Variants in SH3KBP1 observed in about 807,000 individuals in gnomAD.
SH3KBP1 encodes the protein SH3 domain containing kinase binding protein 1, also known as SH3 domain-containing kinase-binding protein 1.
In SH3KBP1, 8 loss-of-function variants were observed where a neutral mutation model predicts 50.1. The observed-to-expected ratio is 0.16, with a 90% CI of 0.09 to 0.29. The LOEUF (loss-of-function observed/expected upper bound fraction) is 0.29. Among genes scored for constraint, SH3KBP1 ranks in the 10% least tolerant of loss-of-function variants. The pLI is 1.00. For synonymous variants in SH3KBP1, 227 were observed against 218.6 expected, an observed-to-expected ratio of 1.04 and a Z score of -0.34; for missense variants, 377 against 535.2, an observed-to-expected ratio of 0.70 and a Z score of 2.92.
At chrX:19,725,456 G>C (rs1248112851) in intron 3 of SH3KBP1, among the ~76,000 whole-genome samples, 2 of 110,820 alleles carry the variant, frequency 1.8e-5, no homozygotes, top group African/African-American at 6.6e-5. Flanking sequence ...CAGTGACAGA[G>C]TGAGACCCTG....
intron 3 of SH3KBP1, among the ~76,000 whole-genome samples, chrX:19,745,899 G>T (rs1419193222): frequency 8.9e-6 from 1 of 112,624 alleles, no homozygotes; most frequent in Admixed American, 9.3e-5. Context: ...GAGAGGCAGG[G>T]TCTGCGCTAG....
At chrX:19,820,012 G>C (rs2067478950) in intron 2 of SH3KBP1, among the ~76,000 whole-genome samples, 1 of 111,578 alleles carries the variant, frequency 9.0e-6, no homozygotes, top group African/African-American at 3.3e-5. Context: ...CAAGTGTTTG[G>C]AGATTTTCTG....
chrX:19,686,692 T>A (rs969410604), intron 5 of SH3KBP1, among the ~76,000 whole-genome samples: 1 of 110,040 alleles, frequency 9.1e-6, no homozygotes, highest in Non-Finnish European at 1.9e-5. Flanking sequence ...CATGGTGGAG[T>A]GGCAAGGAAA....
chrX:19,553,532 G>C (rs193144817), intron 13 of SH3KBP1, among the ~76,000 whole-genome samples: 1 of 110,147 alleles, frequency 9.1e-6, no homozygotes, highest in Admixed American at 9.9e-5. Context: ...AGGAACAAGC[G>C]AACAAATGAA....
intron 2 of SH3KBP1, among the ~76,000 whole-genome samples, chrX:19,777,308 C>T (rs758038353): frequency 9.0e-6 from 1 of 110,813 alleles, no homozygotes; most frequent in African/African-American, 3.3e-5. Context: ...GCCCTAAATA[C>T]AGGGGAAAAT....
At chrX:19,830,610 T>A (rs1197936488) in intron 2 of SH3KBP1, among the ~76,000 whole-genome samples, 3 of 107,899 alleles carry the variant, frequency 2.8e-5, no homozygotes, top group Admixed American at 9.9e-5. Flanking sequence ...TTTTTTTTTT[T>A]AATTAGCCAG....
At chrX:19,830,389 T>C (rs2067835972) in intron 2 of SH3KBP1, among the ~76,000 whole-genome samples, 1 of 111,053 alleles carries the variant, frequency 9.0e-6, no homozygotes, top group Non-Finnish European at 1.9e-5. Context: ...TTATGCATTT[T>C]ACTCTACATA....
chrX:19,733,393 A>G (rs1279238705), intron 3 of SH3KBP1, among the ~76,000 whole-genome samples: 1 of 110,264 alleles, frequency 9.1e-6, no homozygotes, highest in Non-Finnish European at 1.9e-5. Flanking sequence ...TATAGAATTG[A>G]AAGCCCAAAG....
chrX:19,817,991 A>G (rs149501928), intron 2 of SH3KBP1, among the ~76,000 whole-genome samples: 5,478 of 112,087 alleles, frequency 0.049, 344 homozygotes, highest in African/African-American at 0.17. Flanking sequence ...AACTGCCTAC[A>G]GTAACATGCT....
At chrX:19,678,515 G>A (rs1185827736) in intron 6 of SH3KBP1, among the ~76,000 whole-genome samples, 1 of 110,629 alleles carries the variant, frequency 9.0e-6, no homozygotes, top group South Asian at 3.8e-4. Context: ...CCAGAAATAG[G>A]CCCACTTATA....
At chrX:19,577,416 C>T (rs1252784705) in intron 12 of SH3KBP1, among the ~76,000 whole-genome samples, 1 of 111,588 alleles carries the variant, frequency 9.0e-6, no homozygotes, top group African/African-American at 3.3e-5. Context: ...CGGCTCACTG[C>T]CAGCTAAGTA....
intron 9 of SH3KBP1, among the ~76,000 whole-genome samples, chrX:19,598,817 C>A (rs996653007): frequency 9.0e-6 from 1 of 111,206 alleles, no homozygotes; most frequent in African/African-American, 3.3e-5. Context: ...ATAGTAATGT[C>A]AAAGATCACT....
chrX:19,818,770 C>A (rs2067433211), intron 2 of SH3KBP1, among the ~76,000 whole-genome samples: 2 of 111,751 alleles, frequency 1.8e-5, no homozygotes, highest in African/African-American at 6.5e-5. Flanking sequence ...GGAATAAACC[C>A]CACTTGGTCA....
At chrX:19,881,265 T>A (rs1056790477) in intron 1 of SH3KBP1, among the ~76,000 whole-genome samples, 2 of 111,485 alleles carry the variant, frequency 1.8e-5, no homozygotes, top group African/African-American at 6.5e-5. Flanking sequence ...GGTAGACACA[T>A]AGGGTCAATT....
chrX:19,780,882 A>T lies in SH3KBP1; in HGVS notation c.163-34441T>A, dbSNP rs774376424. ...TCCACTGATCAGTATTTACATATGC[A>T]CTTTCTAAATTTTAGCAGTCTGTCT... is the stretch of plus-strand genomic sequence containing the variant. On this transcript the variant is annotated intron_variant, in intron 2 of 17. Coordinates refer to ENST00000397821, the MANE Select transcript of SH3KBP1 (RefSeq NM_031892.3). Among the ~76,000 whole-genome samples the T allele has an allele frequency of 9.8e-5, 11 of 112,293 alleles. No homozygotes were observed. The East Asian group carries it at 3.1e-3, about 31-fold the overall frequency.
intron 15 of SH3KBP1, among the ~76,000 whole-genome samples, chrX:19,543,233 G>A (rs755458381): frequency 2.7e-5 from 3 of 111,778 alleles, no homozygotes; most frequent in Non-Finnish European, 5.6e-5. Flanking sequence ...GGGTGGAGGA[G>A]GAAGGACAGA....
At chrX:19,748,033 C>G (rs2064966256) in intron 2 of SH3KBP1, among the ~76,000 whole-genome samples, 1 of 112,407 alleles carries the variant, frequency 8.9e-6, no homozygotes. Flanking sequence ...TGATGGCTGC[C>G]AGCCTGCTCT....
chrX:19,829,073 C>A lies in SH3KBP1; in HGVS notation c.162+7052G>T, dbSNP rs138240125. Reference sequence around the variant, plus strand: ...AGTGACAGCAGCAATTCCACTCTTACATGTGTGCATATGCAAGAGCAATTA... The same window carrying A: ...AGTGACAGCAGCAATTCCACTCTTAAATGTGTGCATATGCAAGAGCAATTA... On this transcript the variant is annotated intron_variant, in intron 2 of 17. Coordinates refer to ENST00000397821, the MANE Select transcript of SH3KBP1 (RefSeq NM_031892.3). Among the ~76,000 whole-genome samples, 151 of 112,208 alleles carry A rather than the reference C, an allele frequency of 1.3e-3. 2 individuals are homozygous for A. The East Asian group carries it at 0.036, about 27-fold the overall frequency.
intron 1 of SH3KBP1, among the ~76,000 whole-genome samples, chrX:19,873,282 ATATATATG>A (rs1248818928): frequency 3.4e-5 from 3 of 87,589 alleles, no homozygotes; most frequent in African/African-American, 1.7e-4. Context: ...ACATATATAT[ATATATATG>A]TATATATATA....
Sources: gnomAD v4.1 joint callset for allele counts (sites outside exome capture counted in the v4.1 genomes callset) on GRCh38, gnomAD v4.1.1 for gene constraint, MANE v1.5 for transcripts, NCBI Gene and HGNC (gene_info 2026-07-23, HGNC 2026-07-21) for gene names.